TYW1B: variants seen among roughly 807,000 people sequenced by gnomAD.
The protein encoded by TYW1B is S-adenosyl-L-methionine-dependent tRNA 4-demethylwyosine synthase TYW1B.
In TYW1B, 73 loss-of-function variants were observed where a neutral mutation model predicts 86.9. That is an observed-to-expected ratio of 0.84 (90% CI 0.70 to 1.02). The LOEUF is 1.02. TYW1B is among the 50% of genes least tolerant of loss of function. The pLI, the probability that TYW1B is intolerant of heterozygous loss-of-function variation, is 0.00. For missense variants in TYW1B, 637 were observed against 827.4 expected, an observed-to-expected ratio of 0.77 and a Z score of 2.82; for synonymous variants, 248 against 292.8, an observed-to-expected ratio of 0.85 and a Z score of 1.56.
At chr7:72,700,891 A>C (rs1386733859) in intron 10 of TYW1B, among the ~76,000 whole-genome samples, 1 of 152,060 alleles carries the variant, frequency 6.6e-6, no homozygotes, top group Non-Finnish European at 1.5e-5. Flanking sequence ...ACAAGATGAA[A>C]TCCTGTCTTT....
rs75648695 is a variant in TYW1B at position 72,762,019 on chromosome 7, G to A, written c.964+15397C>T. Among the ~76,000 whole-genome samples the A allele has an allele frequency of 6.7e-3, 1,022 of 152,052 alleles. 14 individuals carry two copies. Among genetic ancestry groups the A allele is most frequent in the African/African-American group, 0.021 (882 of 41,494 alleles). ...TTTATATTTAGTCTTTCTAAAAACTGATCTATTATGCTAAAAATACACTAA... is the reference window on the plus strand; with the variant it reads ...TTTATATTTAGTCTTTCTAAAAACTAATCTATTATGCTAAAAATACACTAA... On this transcript the variant is annotated intron_variant, in intron 7 of 13. Transcript: ENST00000620995.
chr7:72,585,689 A>G (rs1554430378), intron 13 of TYW1B, among the ~76,000 whole-genome samples: 1 of 152,124 alleles, frequency 6.6e-6, no homozygotes, highest in Non-Finnish European at 1.5e-5. Flanking sequence ...TTCCCTGCAC[A>G]AGTTCTCTTC....
intron 13 of TYW1B, among the ~76,000 whole-genome samples, chr7:72,611,423 T>A (rs1346024841): frequency 6.6e-6 from 1 of 152,014 alleles, no homozygotes; most frequent in African/African-American, 2.4e-5. Flanking sequence ...AATCATGGGG[T>A]GGTTTCCCCC....
chr7:72,665,157 T>A (rs1554445053), intron 11 of TYW1B, among the ~76,000 whole-genome samples: 1 of 152,190 alleles, frequency 6.6e-6, no homozygotes, highest in African/African-American at 2.4e-5. Flanking sequence ...TAGTTCTGTC[T>A]AACAAGATGT....
intron 7 of TYW1B, among the ~76,000 whole-genome samples, chr7:72,755,821 A>C (rs1787576826): frequency 6.6e-6 from 1 of 152,246 alleles, no homozygotes; most frequent in South Asian, 2.1e-4. Context: ...GATTCAACAG[A>C]GAAATCTGGA....
At chr7:72,808,468 AT>A (rs1450655231) in intron 4 of TYW1B, among the ~76,000 whole-genome samples, 1 of 151,568 alleles carries the variant, frequency 6.6e-6, no homozygotes, top group Admixed American at 6.6e-5. Context: ...AATGTTTTTA[AT>A]GAAAATATGG....
intron 6 of TYW1B, among the ~76,000 whole-genome samples, chr7:72,799,067 T>A (rs1788358286): frequency 6.6e-6 from 1 of 151,418 alleles, no homozygotes; most frequent in African/African-American, 2.4e-5. Flanking sequence ...GGTCTCGAAC[T>A]CCTGACCTCA....
At chr7:72,727,831 A>AAAAAAAAAG (rs1554237443) in intron 9 of TYW1B, among the ~76,000 whole-genome samples, 1 of 104,188 alleles carries the variant, frequency 9.6e-6, no homozygotes. Context: ...AAAAAAAAAA[A>AAAAAAAAAG]AAGAAGAAAG....
intron 6 of TYW1B, among the ~76,000 whole-genome samples, chr7:72,797,805 T>C (rs2129572410): frequency 6.6e-6 from 1 of 152,244 alleles, no homozygotes; most frequent in Non-Finnish European, 1.5e-5. Context: ...GAAAAGTAGG[T>C]AGCCGTGAGA....
chr7:72,792,201 C>A (rs1554473639), intron 6 of TYW1B, among the ~76,000 whole-genome samples: 1 of 151,922 alleles, frequency 6.6e-6, no homozygotes, highest in African/African-American at 2.4e-5. Flanking sequence ...GTGGCATGCA[C>A]CTGTAATCCC....
chr7:72,717,573 C>G (rs1487511198), intron 9 of TYW1B, among the ~76,000 whole-genome samples: 2 of 152,066 alleles, frequency 1.3e-5, no homozygotes, highest in African/African-American at 2.4e-5. Flanking sequence ...GCTCAGAACA[C>G]ACATTCTTCT....
At chr7:72,798,957 T>C (rs1268765293) in intron 6 of TYW1B, among the ~76,000 whole-genome samples, 1 of 152,152 alleles carries the variant, frequency 6.6e-6, no homozygotes, top group African/African-American at 2.4e-5. Context: ...CAACTTTTTC[T>C]ACTAGGTTTT....
chr7:72,739,117 ATCTTAT>A (rs1787254397), intron 8 of TYW1B, among the ~76,000 whole-genome samples: 1 of 152,038 alleles, frequency 6.6e-6, no homozygotes, highest in African/African-American at 2.4e-5. Context: ...TTTTTAACAG[ATCTTAT>A]TATTTACATT....
In TYW1B at chr7:72,713,815, G is replaced by A; in HGVS notation, c.1193-17C>T. 1 of 1,549,980 alleles carries A rather than the reference G, an allele frequency of 6.5e-7. No individual in the cohort carries two copies. Among genetic ancestry groups the A allele is most frequent in the Admixed American group, 2.0e-5 (1 of 49,824 alleles). On this transcript the variant is annotated splice_polypyrimidine_tract_variant and intron_variant, in intron 9 of 13. Coordinates refer to ENST00000620995, the MANE Select transcript of TYW1B (RefSeq NM_001145440.3). ...CCGGTACTCCTGGAGAATACAGTGA[G>A]AAGGACCCAGCTACATAAGGCACAG...
At chr7:72,815,085 A>AG (rs1233361908) in intron 3 of TYW1B, among the ~76,000 whole-genome samples, 6 of 143,974 alleles carry the variant, frequency 4.2e-5, no homozygotes, top group African/African-American at 1.5e-4. Flanking sequence ...AAAAAAAAAA[A>AG]AAAAAGAAAA....
At chr7:72,604,683 T>C (rs1183175715) in intron 13 of TYW1B, among the ~76,000 whole-genome samples, 5 of 152,180 alleles carry the variant, frequency 3.3e-5, no homozygotes, top group Non-Finnish European at 4.4e-5. Context: ...TCTAGACTGA[T>C]AGGACCAAGG....
chr7:72,827,658 C>T (rs1439883376), intron 1 of TYW1B, among the ~76,000 whole-genome samples: 14 of 152,070 alleles, frequency 9.2e-5, no homozygotes, highest in South Asian at 6.2e-4. Flanking sequence ...TTTTTACTAA[C>T]TGTACTTTCA....
chr7:72,686,986 A>G (rs1371670672), intron 11 of TYW1B, among the ~76,000 whole-genome samples: 1 of 152,216 alleles, frequency 6.6e-6, no homozygotes. Flanking sequence ...TTTCTGAAAG[A>G]GGAAAACATA....
intron 7 of TYW1B, among the ~76,000 whole-genome samples, chr7:72,766,625 A>AC (rs1414137898): frequency 2.8e-5 from 4 of 142,038 alleles, no homozygotes; most frequent in African/African-American, 1.1e-4. Flanking sequence ...AAAAAAAAAA[A>AC]AAAAAAAACA....
Sources: allele counts gnomAD v4.1 joint callset (sites outside exome capture counted in the v4.1 genomes callset), GRCh38; gene constraint gnomAD v4.1.1; transcripts MANE v1.5; gene names NCBI Gene and HGNC (gene_info 2026-07-23, HGNC 2026-07-21).